The following GSDMC variants were observed in gnomAD, a reference collection of about 807,000 sequenced individuals.
GSDMC encodes gasdermin C.
GSDMC carries 59 observed loss-of-function variants against 58.0 expected under a neutral mutation model. That is an observed-to-expected ratio of 1.02 (90% confidence interval 0.82 to 1.26). The LOEUF (loss-of-function observed/expected upper bound fraction) is 1.26, where lower values mean the gene tolerates loss of function less well. GSDMC is among the 50% of genes most tolerant of loss of function. The pLI is 0.00. For synonymous variants in GSDMC, 241 were observed against 220.2 expected (o/e 1.09, Z -0.83); for missense variants, 659 against 598.5 (o/e 1.10, Z -1.06).
rs2033692105 is a variant in GSDMC, at chr8:129,762,252, T to C, written c.676+374A>G. Among the ~76,000 whole-genome samples, 3 of 152,104 alleles carry C rather than the reference T, an allele frequency of 2.0e-5. No individual in the cohort carries two copies. The South Asian group carries it at 6.2e-4, about 32-fold the overall frequency. ...TACCTCATAGGACCTTAATGTGGGG[T>C]TATGGGTAACCTTGGGTAAGCCTCT... On this transcript the variant is annotated intron_variant, in intron 5 of 13. Coordinates refer to ENST00000276708, the MANE Select transcript of GSDMC (RefSeq NM_031415.3).
the GSDMC span, among the ~76,000 whole-genome samples, chr8:129,737,104 A>G: frequency 6.6e-6 from 1 of 152,226 alleles, no homozygotes; most frequent in Non-Finnish European, 1.5e-5. Context: ...GACCTCTTCA[A>G]GGAGAACTAC....
chr8:129,753,547 G>A (rs918214591), intron 6 of GSDMC, among the ~76,000 whole-genome samples: 1 of 152,192 alleles, frequency 6.6e-6, no homozygotes, highest in Non-Finnish European at 1.5e-5. Context: ...CTAACTAAAG[G>A]TGTGACTCAG....
the GSDMC span, among the ~76,000 whole-genome samples, chr8:129,736,892 C>T: frequency 6.6e-6 from 1 of 152,194 alleles, no homozygotes. Context: ...TAGAAAACCC[C>T]ATCATCTTAG....
At chr8:129,720,494 G>A in the GSDMC span, among the ~76,000 whole-genome samples, 19,025 of 151,942 alleles carry the variant, frequency 0.13, 2,050 homozygotes, top group African/African-American at 0.29. Flanking sequence ...TAAATATATT[G>A]TGTATGAATA....
At chr8:129,771,360 G>A (rs761107503) in intron 3 of GSDMC, among the ~76,000 whole-genome samples, 90 of 151,678 alleles carry the variant, frequency 5.9e-4, no homozygotes, top group Non-Finnish European at 1.1e-3. Flanking sequence ...TAACAGCAGC[G>A]GAATACAAAT....
At chr8:129,732,433 A>G in the GSDMC span, among the ~76,000 whole-genome samples, 3 of 152,240 alleles carry the variant, frequency 2.0e-5, no homozygotes, top group African/African-American at 4.8e-5. Context: ...GGGAAATAAA[A>G]AGAAAAACTC....
At chr8:129,757,281 CAAT>C (rs1240513535) in intron 6 of GSDMC, among the ~76,000 whole-genome samples, 1 of 151,792 alleles carries the variant, frequency 6.6e-6, no homozygotes, top group African/African-American at 2.4e-5. Context: ...AACCATATGC[CAAT>C]AAATTGGAAA....
chr8:129,753,568 G>C (rs1013991452), intron 6 of GSDMC, among the ~76,000 whole-genome samples: 2 of 152,208 alleles, frequency 1.3e-5, no homozygotes, highest in African/African-American at 4.8e-5. Flanking sequence ...CATATTCCCA[G>C]CTGCGGTGGC....
At chr8:129,717,992 TC>T in the GSDMC span, among the ~76,000 whole-genome samples, 1 of 151,896 alleles carries the variant, frequency 6.6e-6, no homozygotes, top group Non-Finnish European at 1.5e-5. Context: ...GAAACTGGAC[TC>T]CTCCCTTACA....
chr8:129,752,692 C>T lies in GSDMC; in HGVS notation c.844+6G>A. ...GAAGTAAAAATAAAGTGAGCAATCA[C>T]AGTACCTGGTTTTAACTTCATATCA... On this transcript the variant is annotated splice_donor_region_variant and intron_variant, in intron 7 of 13. Coordinates refer to ENST00000276708, the MANE Select transcript of GSDMC (RefSeq NM_031415.3). The T allele has an allele frequency of 6.2e-7, 1 of 1,614,092 alleles. No homozygotes were observed. Among genetic ancestry groups the T allele is most frequent in the Non-Finnish European group, 8.5e-7 (1 of 1,179,988 alleles).
At chr8:129,755,111 G>A (rs2033375440) in intron 6 of GSDMC, among the ~76,000 whole-genome samples, 1 of 152,136 alleles carries the variant, frequency 6.6e-6, no homozygotes, top group Non-Finnish European at 1.5e-5. Context: ...TCAAGTACAA[G>A]TAAGTTATAG....
chr8:129,741,282 G>A, the GSDMC span, among the ~76,000 whole-genome samples: 30 of 151,976 alleles, frequency 2.0e-4, no homozygotes, highest in Non-Finnish European at 4.4e-4. Context: ...AAACTGTGAT[G>A]CCTCCAGTTT....
At chr8:129,765,498 G>A in intron 4 of GSDMC, 130 bp downstream of exon 4, 1 of 723,944 alleles carries the variant, frequency 1.4e-6, no homozygotes, top group Non-Finnish European at 2.5e-6. Context: ...ATGTAAGAAG[G>A]GGGAAATAAT....
chr8:129,744,291 T>C (rs928039079), downstream of GSDMC, among the ~76,000 whole-genome samples: 6 of 152,226 alleles, frequency 3.9e-5, no homozygotes, highest in African/African-American at 1.4e-4. Context: ...GTGAGGTTTT[T>C]ATTTATTTGC....
At position 129,748,266 on chromosome 8, in the gene GSDMC, T is replaced by C. The variant is rs1032167113; in HGVS notation, c.*235A>G. ...TAGTGAAACGCTTACGTCTTTAACA[T>C]ACTATTTGAGGAGTTTTGACAAATA... On this transcript the variant is annotated 3_prime_UTR_variant, in exon 14 of 14. Coordinates refer to ENST00000276708, the MANE Select transcript of GSDMC (RefSeq NM_031415.3). 3 of 368,436 alleles carry C rather than the reference T, an allele frequency of 8.1e-6. No individual in the cohort carries two copies. The highest frequency in any genetic ancestry group is 4.2e-5 in the African/African-American group (2 of 48,064). 22.8% of individuals were successfully genotyped at this position (368,436 alleles called of 1,614,324 possible).
intron 3 of GSDMC, among the ~76,000 whole-genome samples, chr8:129,768,231 G>A (rs772068439): frequency 2.4e-4 from 37 of 152,192 alleles, no homozygotes; most frequent in Non-Finnish European, 5.1e-4. Context: ...TGGACTGACT[G>A]GTGAAGGTCT....
chr8:129,767,865 A>G (rs2033918884), intron 3 of GSDMC, among the ~76,000 whole-genome samples: 2 of 152,232 alleles, frequency 1.3e-5, no homozygotes, highest in South Asian at 4.1e-4. Flanking sequence ...TTCAGAGCCC[A>G]GCCTAAAGCC....
chr8:129,733,333 G>C, the GSDMC span, among the ~76,000 whole-genome samples: 1 of 152,242 alleles, frequency 6.6e-6, no homozygotes, highest in East Asian at 1.9e-4. Flanking sequence ...TGGTGCATGA[G>C]CTCTGAGAAT....
chr8:129,712,985 G>A, the GSDMC span, among the ~76,000 whole-genome samples: 1 of 152,196 alleles, frequency 6.6e-6, no homozygotes, highest in Non-Finnish European at 1.5e-5. Flanking sequence ...AGGGATGTCG[G>A]GGTGAGGAGG....
Sources: allele counts gnomAD v4.1 joint callset (sites outside exome capture counted in the v4.1 genomes callset), GRCh38; gene constraint gnomAD v4.1.1; transcripts MANE v1.5; gene names NCBI Gene and HGNC (gene_info 2026-07-23, HGNC 2026-07-21).